ARB2A: variants seen among roughly 807,000 people sequenced by gnomAD.
ARB2A encodes ARB2 cotranscriptional regulator A, also known as cotranscriptional regulator ARB2A.
At chr5:93,981,752 G>A in the ARB2A span, among the ~76,000 whole-genome samples, 1 of 151,966 alleles carries the variant, frequency 6.6e-6, no homozygotes, top group Non-Finnish European at 1.5e-5. Flanking sequence ...GGTATTTTAT[G>A]ATATTTTATT....
chr5:93,983,789 G>A, the ARB2A span, among the ~76,000 whole-genome samples: 3 of 152,108 alleles, frequency 2.0e-5, no homozygotes, highest in Non-Finnish European at 2.9e-5. Flanking sequence ...AGATCACTTC[G>A]AAAGTACTTC....
the ARB2A span, among the ~76,000 whole-genome samples, chr5:93,784,859 G>C: frequency 6.6e-6 from 1 of 152,120 alleles, no homozygotes. Flanking sequence ...GTTAGTACCC[G>C]GGGTTCACTG....
the ARB2A span, among the ~76,000 whole-genome samples, chr5:93,786,203 C>T: frequency 6.6e-6 from 1 of 152,132 alleles, no homozygotes; most frequent in Non-Finnish European, 1.5e-5. Context: ...TCTGAAGACA[C>T]TAAATCTTGA....
the ARB2A span, among the ~76,000 whole-genome samples, chr5:93,663,390 T>C: frequency 6.6e-6 from 1 of 152,238 alleles, no homozygotes; most frequent in Admixed American, 6.5e-5. Context: ...AGCTAAAAGT[T>C]TCCTCCTGTA....
At chr5:93,906,230 T>C in the ARB2A span, among the ~76,000 whole-genome samples, 1 of 151,514 alleles carries the variant, frequency 6.6e-6, no homozygotes, top group African/African-American at 2.4e-5. Context: ...GCTTTTGACA[T>C]ACATTTTGCA....
the ARB2A span, among the ~76,000 whole-genome samples, chr5:94,033,424 A>G: frequency 5.9e-5 from 9 of 152,038 alleles, no homozygotes; most frequent in Admixed American, 3.9e-4. Context: ...ATATATATAT[A>G]TGTGATTTTG....
the ARB2A span, among the ~76,000 whole-genome samples, chr5:93,813,794 A>G: frequency 2.0e-5 from 3 of 152,204 alleles, no homozygotes; most frequent in East Asian, 1.9e-4. Context: ...TATTTTTGTT[A>G]TAGGAGCCCA....
chr5:94,079,405 T>C, the ARB2A span, among the ~76,000 whole-genome samples: 20 of 152,260 alleles, frequency 1.3e-4, no homozygotes, highest in East Asian at 2.3e-3. Flanking sequence ...GGGTAGGCAT[T>C]TTATGGAGAT....
the ARB2A span, among the ~76,000 whole-genome samples, chr5:93,812,797 T>C: frequency 6.6e-6 from 1 of 152,184 alleles, no homozygotes; most frequent in African/African-American, 2.4e-5. Flanking sequence ...GAATAGCAAT[T>C]TTTATTTGTA....
chr5:93,657,274 C>A, the ARB2A span, among the ~76,000 whole-genome samples: 1 of 152,150 alleles, frequency 6.6e-6, no homozygotes. Flanking sequence ...AGTGGGAAAA[C>A]TGGGATGCAG....
At chr5:93,908,241 T>A in the ARB2A span, among the ~76,000 whole-genome samples, 3 of 151,140 alleles carry the variant, frequency 2.0e-5, no homozygotes, top group Non-Finnish European at 4.5e-5. Flanking sequence ...TTAGTCTAAT[T>A]ATTTTTACAA....
chr5:93,825,891 A>G, the ARB2A span, among the ~76,000 whole-genome samples: 2 of 151,620 alleles, frequency 1.3e-5, no homozygotes, highest in Non-Finnish European at 1.5e-5. Flanking sequence ...GCTAAAAATA[A>G]GGAAAAATGA....
At chr5:94,043,112 G>A in the ARB2A span, among the ~76,000 whole-genome samples, 1 of 152,040 alleles carries the variant, frequency 6.6e-6, no homozygotes, top group African/African-American at 2.4e-5. Flanking sequence ...CTTAAATGCA[G>A]GTTTCTGATA....
the ARB2A span, among the ~76,000 whole-genome samples, chr5:93,819,833 A>C: frequency 6.6e-6 from 1 of 152,232 alleles, no homozygotes; most frequent in Non-Finnish European, 1.5e-5. Flanking sequence ...CAGCTGCTGA[A>C]GGGCAGCTTA....
the ARB2A span, among the ~76,000 whole-genome samples, chr5:93,974,641 A>T: frequency 3.3e-5 from 5 of 152,262 alleles, no homozygotes; most frequent in Non-Finnish European, 7.4e-5. Flanking sequence ...CAACAACAAA[A>T]TATATATTAT....
chr5:93,852,180 T>C, the ARB2A span, among the ~76,000 whole-genome samples: 1 of 152,206 alleles, frequency 6.6e-6, no homozygotes. Context: ...ACTGTGGTTT[T>C]GATTTGCATT....
At chr5:93,905,077 C>T in the ARB2A span, among the ~76,000 whole-genome samples, 1 of 151,692 alleles carries the variant, frequency 6.6e-6, no homozygotes, top group Non-Finnish European at 1.5e-5. Context: ...CTCTGTCCTA[C>T]GAATTGTCTC....
the ARB2A span, among the ~76,000 whole-genome samples, chr5:94,084,804 T>G: frequency 2.6e-5 from 4 of 152,114 alleles, no homozygotes; most frequent in African/African-American, 9.7e-5. Flanking sequence ...ACTGGTTAAC[T>G]GCACAATTTT....
At chr5:94,053,657 A>T in the ARB2A span, among the ~76,000 whole-genome samples, 4 of 152,182 alleles carry the variant, frequency 2.6e-5, no homozygotes, top group Non-Finnish European at 5.9e-5. Context: ...TTTTAGGGGG[A>T]AAACTGTTAA....
Sources: allele counts gnomAD v4.1 joint callset (sites outside exome capture counted in the v4.1 genomes callset), GRCh38; gene constraint gnomAD v4.1.1; transcripts MANE v1.5; gene names NCBI Gene and HGNC (gene_info 2026-07-23, HGNC 2026-07-21).